The following RETREG2 variants were observed in gnomAD, a reference collection of about 807,000 sequenced individuals.
RETREG2 encodes reticulophagy regulator 2.
A neutral mutation model predicts 51.6 loss-of-function variants in RETREG2; 21 were observed. That is an observed-to-expected ratio of 0.41 (90% confidence interval 0.29 to 0.59). The LOEUF (loss-of-function observed/expected upper bound fraction) is 0.59. RETREG2 is among the 20% of genes least tolerant of loss of function. The probability of loss-of-function intolerance (pLI) is 0.34; values close to 1 mark genes in which losing one functional copy is unlikely to be tolerated. For synonymous variants in RETREG2, 339 were observed against 288.6 expected (o/e 1.17, Z -1.77); for missense variants, 674 against 646.0 (o/e 1.04, Z -0.47).
Position 219,184,566 on chromosome 2 carries a change from C to CT in RETREG2, c.*1938dup. The CT allele has an allele frequency of 6.6e-6, 1 of 152,166 alleles. No individual in the cohort carries two copies. The allele number at this position is 152,166 out of a possible 1,614,324, so 9.4% of individuals were successfully genotyped here. ...CCCCTGTCCTGTGCCACTAAAGGAA[C>CT]TCGAACTTTTCATCACTTAGAGATT... is the stretch of plus-strand genomic sequence containing the variant. On this transcript the variant is annotated 3_prime_UTR_variant, in exon 9 of 9. Transcript: ENST00000430297.
At chr2:219,178,700 C>T (rs1950226090) in intron 1 of RETREG2, 67 bp downstream of exon 1, 1 of 1,399,438 alleles carries the variant, frequency 7.1e-7, no homozygotes, top group African/African-American at 1.5e-5. Flanking sequence ...GAGCACCATT[C>T]CCCTTTCTGG....
rs1950296956 is a variant in RETREG2 at position 219,182,517 on chromosome 2, T to C, written c.1520T>C (p.Leu507Pro). ...GAGCTGGAGCAGCTGAATGCAGAGC[T>C]GGGCTTGGAGCCAGAGACACCGCCA... ...QGELEQLNAELGLEPETPPKP... is the reference protein window; with the variant it reads ...QGELEQLNAEPGLEPETPPKP... The change falls in exon 9 of 9, where the codon CTG (leucine) becomes CCG (proline). Residue 507 changes from leucine (L) to proline (P), a missense_variant. Coordinates refer to ENST00000430297, the MANE Select transcript of RETREG2 (RefSeq NM_024293.6). 6.2e-7 allele frequency: 1 copy of C among 1,614,100 alleles called. No individual in the cohort carries two copies. The highest frequency in any genetic ancestry group is 1.3e-5 in the African/African-American group (1 of 75,002).
At position 219,178,294 on chromosome 2, in the gene RETREG2, C is replaced by G. The variant is rs553592048; in HGVS notation, c.-59C>G. 1 of 370,050 alleles carries G rather than the reference C, an allele frequency of 2.7e-6. No homozygotes were observed. Among genetic ancestry groups the G allele is most frequent in the East Asian group, 4.0e-5 (1 of 25,232 alleles). The allele number at this position is 370,050 out of a possible 1,614,324, so 22.9% of individuals were successfully genotyped here. A position where few individuals can be genotyped will look rare whatever the true frequency, so the allele number is the denominator to read the frequency against. Reference sequence around the variant, plus strand: ...CGCCCCCTTCCGCCTGACGCGCCCCCGGCGGCGGCCGCGCAGCCCTGGCTC... The same window carrying G: ...CGCCCCCTTCCGCCTGACGCGCCCCGGGCGGCGGCCGCGCAGCCCTGGCTC... On this transcript the variant is annotated 5_prime_UTR_variant, in exon 1 of 9. Transcript: ENST00000430297.
At chr2:219,179,469 C>T (rs561791211) in intron 2 of RETREG2, among the ~76,000 whole-genome samples, 4 of 152,250 alleles carry the variant, frequency 2.6e-5, no homozygotes, top group African/African-American at 7.2e-5. Flanking sequence ...TGTTGTTTTT[C>T]TTGTTATCCA....
intron 4 of RETREG2, 74 bp from the exon 5 acceptor site, chr2:219,180,596 C>G (rs190828655): frequency 6.5e-5 from 104 of 1,609,412 alleles, no homozygotes; most frequent in Non-Finnish European, 7.8e-5. Context: ...ACCAGCTGAG[C>G]AGTAGTTTCT....
At chr2:219,181,253 G>C (rs777139213) in intron 6 of RETREG2, 48 bp downstream of exon 6, 12 of 1,611,968 alleles carry the variant, frequency 7.4e-6, no homozygotes, top group Non-Finnish European at 1.0e-5. Context: ...GGAGGGCCTT[G>C]GCTTGGGGTT....
rs1950330905 is a variant in RETREG2, at chr2:219,184,950, C to T, written c.*2321C>T. ...CAAACAATTCTCCTGCCTCAGCCGT[C>T]CAAGTAGCTGGGATTACAGGTGCAT... On this transcript the variant is annotated 3_prime_UTR_variant, in exon 9 of 9. Coordinates refer to ENST00000430297, the MANE Select transcript of RETREG2 (RefSeq NM_024293.6). 1 of 151,374 alleles carries T rather than the reference C, an allele frequency of 6.6e-6. No individual in the cohort carries two copies. Among genetic ancestry groups the T allele is most frequent in the South Asian group, 2.1e-4 (1 of 4,800 alleles). 9.4% of individuals were successfully genotyped at this position (151,374 alleles called of 1,614,324 possible).
rs1416524458 is a variant in RETREG2 at position 219,181,389 on chromosome 2, C to T, written c.805C>T (p.Pro269Ser). 4.3e-6 allele frequency: 7 copies of T among 1,613,926 alleles called. No individual in the cohort carries two copies. The highest frequency in any genetic ancestry group is 5.9e-6 in the Non-Finnish European group (7 of 1,180,006). Residue 269 changes from proline (P) to serine (S), a missense_variant, in exon 7 of 9, where the codon CCC becomes TCC. Coordinates refer to ENST00000430297, the MANE Select transcript of RETREG2 (RefSeq NM_024293.6). ...DKRKRQGKNAPPGGDEPLAET... is the reference protein window; with the variant it reads ...DKRKRQGKNASPGGDEPLAET... The stretch of plus-strand genomic sequence containing the variant: ...TCTAGAGCGTCAGGGGAAGAATGCA[C>T]CCCCAGGAGGTGATGAGCCACTGGC...
In RETREG2 at chr2:219,183,951, C is replaced by T. The variant is rs1950316959; in HGVS notation, c.*1322C>T. ...CCAAGGAACACTGAAGAAATAGTAT[C>T]TTAACAGTTACTGAGTCCATTGTAT... is the stretch of plus-strand genomic sequence containing the variant. On this transcript the variant is annotated 3_prime_UTR_variant, in exon 9 of 9. Transcript: ENST00000430297. The T allele has an allele frequency of 6.6e-6, 1 of 152,224 alleles. No individual in the cohort carries two copies. The highest frequency in any genetic ancestry group is 2.1e-4 in the South Asian group (1 of 4,822). 9.4% of individuals were successfully genotyped at this position (152,224 alleles called of 1,614,324 possible).
chr2:219,178,826 G>T, intron 1 of RETREG2, 96 bp from the exon 2 acceptor site: 1 of 1,101,250 alleles, frequency 9.1e-7, no homozygotes, highest in Non-Finnish European at 1.3e-6. Context: ...GCCTGGAGGT[G>T]CCATTACCCC....
chr2:219,178,746 G>GTT (rs1950228355), intron 1 of RETREG2, 113 bp downstream of exon 1: 1 of 1,281,544 alleles, frequency 7.8e-7, no homozygotes, highest in African/African-American at 1.5e-5. Flanking sequence ...CCCATCCCCA[G>GTT]TTTTTGCAGG....
At chr2:219,179,669 G>T (rs529469898) in intron 2 of RETREG2, 64 bp from the exon 3 acceptor site, 20 of 1,507,272 alleles carry the variant, frequency 1.3e-5, no homozygotes, top group Admixed American at 1.7e-5. Context: ...AACTATTTCT[G>T]CCTTGGGGAG....
chr2:219,179,924 C>A, intron 3 of RETREG2, 161 bp downstream of exon 3: 2 of 1,127,830 alleles, frequency 1.8e-6, no homozygotes, highest in Non-Finnish European at 2.6e-6. Flanking sequence ...TGTTTGCGTG[C>A]CTGCTCCTTT....
In RETREG2 at chr2:219,182,453, G is replaced by A. The variant is rs778905428; in HGVS notation, c.1456G>A (p.Ala486Thr). 1.2e-6 allele frequency: 2 copies of A among 1,614,094 alleles called. No individual in the cohort carries two copies. The highest frequency in any genetic ancestry group is 1.7e-6 in the Non-Finnish European group (2 of 1,180,016). Residue 486 changes from alanine to threonine, a missense_variant, in exon 9 of 9, where the codon GCA (alanine) becomes ACA (threonine). Transcript: ENST00000430297. The part of the protein sequence containing the change: ...QPLPAPEEEE[A>T]LTTEDFELLD... ...CCTGCCTGCCCCTGAGGAAGAAGAG[G>A]CACTCACCACTGAGGACTTTGAGTT...
chr2:219,182,541 C>G lies in RETREG2; in HGVS notation c.1544C>G (p.Pro515Arg), dbSNP rs373233979. ...CTGGGCTTGGAGCCAGAGACACCGC[C>G]AAAACCCCCTGATGCTCCACCCCTG... The part of the protein sequence containing the change: ...AELGLEPETP[P>R]KPPDAPPLGP... The change falls in exon 9 of 9, where the codon CCA (proline) becomes CGA (arginine). Residue 515 changes from proline (P) to arginine (R), a missense_variant. Transcript: ENST00000430297. 1.2e-6 allele frequency: 2 copies of G among 1,614,044 alleles called. No individual in the cohort carries two copies. Among genetic ancestry groups the G allele is most frequent in the African/African-American group, 2.7e-5 (2 of 74,914 alleles).
chr2:219,181,369 A>G lies in RETREG2; in HGVS notation c.785A>G (p.Lys262Arg). ...TGCTCTACTACTCTTGCTTTTCTAG[A>G]GCGTCAGGGGAAGAATGCACCCCCA... is the stretch of plus-strand genomic sequence containing the variant. ...NALHHKHDKR[K>R]RQGKNAPPGG... Residue 262 changes from lysine (K) to arginine (R), a missense_variant and splice_region_variant, in exon 7 of 9, where the codon AAG (lysine) becomes AGG (arginine). By Grantham distance (26) the Lys-to-Arg change is conservative. Coordinates refer to ENST00000430297, the MANE Select transcript of RETREG2 (RefSeq NM_024293.6). 1 of 1,613,888 alleles carries G rather than the reference A, an allele frequency of 6.2e-7. No homozygotes were observed. Among genetic ancestry groups the G allele is most frequent in the Non-Finnish European group, 8.5e-7 (1 of 1,179,952 alleles).
intron 4 of RETREG2, 138 bp downstream of exon 4, chr2:219,180,383 T>A: frequency 8.6e-7 from 1 of 1,158,314 alleles, no homozygotes; most frequent in African/African-American, 1.5e-5. Flanking sequence ...GAGGCAACAT[T>A]CACAGCTAAT....
intron 7 of RETREG2, 25 bp from the exon 8 acceptor site, chr2:219,181,615 G>T (rs200092175): frequency 1.4e-5 from 23 of 1,612,720 alleles, no homozygotes; most frequent in Non-Finnish European, 2.0e-5. Flanking sequence ...CTCACATGTC[G>T]TGTTCATCCT....
chr2:219,181,578 C>T, intron 7 of RETREG2, 62 bp from the exon 8 acceptor site: 3 of 1,602,284 alleles, frequency 1.9e-6, no homozygotes, highest in Non-Finnish European at 2.6e-6. Flanking sequence ...AGAGGGGATG[C>T]TCCTGATAAA....
Sources: gnomAD v4.1 joint callset for allele counts (sites outside exome capture counted in the v4.1 genomes callset) on GRCh38, gnomAD v4.1.1 for gene constraint, MANE v1.5 for transcripts, NCBI Gene and HGNC (gene_info 2026-07-23, HGNC 2026-07-21) for gene names.